Variants in STXBP6 observed in about 807,000 individuals in gnomAD.
STXBP6 encodes the protein syntaxin-binding protein 6.
Under a neutral mutation model 26.9 loss-of-function variants are expected in STXBP6, and 21 were observed. The observed-to-expected ratio is 0.78, with a 90% confidence interval of 0.55 to 1.12. The LOEUF (loss-of-function observed/expected upper bound fraction) is 1.12. STXBP6 is among the 50% of genes most tolerant of loss of function. The pLI is 0.00. For synonymous variants in STXBP6, 97 were observed against 92.6 expected (o/e 1.05, Z -0.27); for missense variants, 232 against 257.9 (o/e 0.90, Z 0.69).
chr14:24,986,621 T>A (rs1444950318), intron 1 of STXBP6, among the ~76,000 whole-genome samples: 1 of 152,172 alleles, frequency 6.6e-6, no homozygotes, highest in Non-Finnish European at 1.5e-5. Context: ...CCAGTTCTTG[T>A]CTTTGGAACT....
rs1452215923 is a variant in STXBP6, at chr14:25,050,014, C to A, written c.-169G>T. On this transcript the variant is annotated 5_prime_UTR_variant, in exon 1 of 6. Coordinates refer to ENST00000323944, the MANE Select transcript of STXBP6 (RefSeq NM_001394410.1). ...TTAGCCGGCCCGGGTGCTGGCTCGCCGCCGCTCGCGGCTCCCGCGCCGGCT... is the reference window on the plus strand; with the variant it reads ...TTAGCCGGCCCGGGTGCTGGCTCGCAGCCGCTCGCGGCTCCCGCGCCGGCT... 21 of 389,900 alleles carry A rather than the reference C, an allele frequency of 5.4e-5. No homozygotes were observed. The highest frequency in any genetic ancestry group is 6.4e-5 in the Admixed American group (1 of 15,540). 24.2% of individuals were successfully genotyped at this position (389,900 alleles called of 1,614,324 possible). A position where few individuals can be genotyped will look rare whatever the true frequency, so the allele number is the denominator to read the frequency against.
rs769952948 is a variant in STXBP6, at chr14:24,836,454, C to T, written c.452-17260G>A. 9.6e-4 allele frequency among the ~76,000 whole-genome samples: 146 copies of T among 151,506 alleles called. 2 individuals are homozygous for T. The highest frequency in any genetic ancestry group is 3.9e-4 in the Admixed American group (6 of 15,218). On this transcript the variant is annotated intron_variant, in intron 4 of 5. Transcript: ENST00000323944. ...CTCTACTAAATATACAAAAATTAGC[C>T]GGGTGTGGTGGCGGGTGCCTGTAAT...
At chr14:24,971,711 T>C (rs1481688938) in intron 2 of STXBP6, among the ~76,000 whole-genome samples, 1 of 152,220 alleles carries the variant, frequency 6.6e-6, no homozygotes, top group Non-Finnish European at 1.5e-5. Context: ...AGTGAAGCCC[T>C]ACTTTTCTCA....
chr14:24,874,045 T>C (rs2070041477), intron 2 of STXBP6, among the ~76,000 whole-genome samples: 1 of 152,168 alleles, frequency 6.6e-6, no homozygotes, highest in Admixed American at 6.5e-5. Flanking sequence ...GATCACAAAC[T>C]AAAGTTAGTA....
intron 4 of STXBP6, among the ~76,000 whole-genome samples, chr14:24,848,767 G>C (rs1386528335): frequency 6.6e-6 from 1 of 152,088 alleles, no homozygotes; most frequent in African/African-American, 2.4e-5. Flanking sequence ...TGGAACCTAA[G>C]GAAGTAGTCC....
chr14:24,855,800 C>T (rs1002603970), intron 4 of STXBP6, 136 bp downstream of exon 4: 2 of 733,558 alleles, frequency 2.7e-6, no homozygotes, highest in Non-Finnish European at 4.1e-6. Flanking sequence ...TGGAATGGTT[C>T]TTATGTTGTC....
intron 1 of STXBP6, among the ~76,000 whole-genome samples, chr14:24,979,452 C>T (rs2074130087): frequency 1.3e-5 from 2 of 152,194 alleles, no homozygotes; most frequent in Admixed American, 6.5e-5. Context: ...CTAGTCTTTC[C>T]TACTTCAACG....
In STXBP6 at chr14:24,865,571, A is replaced by G. The variant is rs1386170897; in HGVS notation, c.155-8414T>C. On this transcript the variant is annotated intron_variant, in intron 2 of 5. Coordinates refer to ENST00000323944, the MANE Select transcript of STXBP6 (RefSeq NM_001394410.1). ...GAGGAAACTATCTGAGGTTTAAAAA[A>G]TAATCACTCAAAATGAATAGAGGAT... 2.6e-5 allele frequency among the ~76,000 whole-genome samples: 4 copies of G among 152,312 alleles called. No homozygotes were observed. In the East Asian group the frequency reaches 7.7e-4, roughly 29 times the overall value.
chr14:24,962,697 T>C (rs2073589267), intron 2 of STXBP6, among the ~76,000 whole-genome samples: 1 of 152,152 alleles, frequency 6.6e-6, no homozygotes. Flanking sequence ...TTAAAATAAG[T>C]TAATTTTTAG....
intron 4 of STXBP6, among the ~76,000 whole-genome samples, chr14:24,829,327 G>A (rs2068385348): frequency 6.6e-6 from 1 of 152,144 alleles, no homozygotes; most frequent in African/African-American, 2.4e-5. Flanking sequence ...CTATTAAACT[G>A]TGATTGCAGT....
At chr14:25,016,173 A>G (rs1470086155) in intron 1 of STXBP6, among the ~76,000 whole-genome samples, 1 of 152,162 alleles carries the variant, frequency 6.6e-6, no homozygotes, top group Non-Finnish European at 1.5e-5. Context: ...AACCTATTAT[A>G]CTTTTTTCCT....
intron 1 of STXBP6, among the ~76,000 whole-genome samples, chr14:24,989,438 A>C (rs2074411550): frequency 6.6e-6 from 1 of 152,244 alleles, no homozygotes; most frequent in Non-Finnish European, 1.5e-5. Context: ...GGGGAACTGA[A>C]CTAAGGGCAT....
intron 1 of STXBP6, among the ~76,000 whole-genome samples, chr14:24,982,637 T>C (rs2074227808): frequency 6.6e-6 from 1 of 152,346 alleles, no homozygotes; most frequent in South Asian, 2.1e-4. Flanking sequence ...ACTCTCCCTG[T>C]GTAAAAGACA....
At chr14:24,896,075 T>C (rs2070980170) in intron 2 of STXBP6, among the ~76,000 whole-genome samples, 1 of 152,112 alleles carries the variant, frequency 6.6e-6, no homozygotes, top group African/African-American at 2.4e-5. Flanking sequence ...GAAACCTAAA[T>C]ACAGCATAGG....
intron 1 of STXBP6, among the ~76,000 whole-genome samples, chr14:25,040,268 G>T (rs1043929928): frequency 2.0e-5 from 3 of 152,194 alleles, no homozygotes; most frequent in African/African-American, 4.8e-5. Flanking sequence ...GAACTTGGGG[G>T]TGGTCAGAAA....
chr14:24,888,613 C>T (rs1264652564), intron 2 of STXBP6, among the ~76,000 whole-genome samples: 1 of 151,890 alleles, frequency 6.6e-6, no homozygotes, highest in Non-Finnish European at 1.5e-5. Context: ...ATCCCTGCTA[C>T]TCAGGAGGCT....
At chr14:24,872,914 T>A (rs2069990952) in intron 2 of STXBP6, among the ~76,000 whole-genome samples, 1 of 152,246 alleles carries the variant, frequency 6.6e-6, no homozygotes, top group Non-Finnish European at 1.5e-5. Flanking sequence ...CTCTGTAACA[T>A]TCATTTTGGG....
In STXBP6 at chr14:24,866,712, C is replaced by A. The variant is rs187606440; in HGVS notation, c.155-9555G>T. On this transcript the variant is annotated intron_variant, in intron 2 of 5. Transcript: ENST00000323944. ...GGAGGACTTAATGTTGTTAAGATGG[C>A]AATAATCCTCAAACAAACCATGGTA... Among the ~76,000 whole-genome samples, 546 of 151,362 alleles carry A rather than the reference C, an allele frequency of 3.6e-3. 4 individuals are homozygous for A. Among genetic ancestry groups the A allele is most frequent in the African/African-American group, 0.013 (530 of 41,282 alleles).
chr14:24,819,072 T>C lies in STXBP6; in HGVS notation c.574A>G (p.Asn192Asp), dbSNP rs762770933. 1 of 1,611,692 alleles carries C rather than the reference T, an allele frequency of 6.2e-7. No homozygotes were observed. The highest frequency in any genetic ancestry group is 1.7e-5 in the Admixed American group (1 of 59,908). The change falls in exon 5 of 6, where the codon AAC (asparagine) becomes GAC (aspartate). Residue 192 changes from asparagine to aspartate, a missense_variant. Physicochemically the swap from Asn to Asp is conservative, Grantham distance 23 (BLOSUM62 1). Transcript: ENST00000323944. ...GTTTCTGCAAACTGCTGGGCGCTGTTCTTCAGGTCTTCTGTCTTCTCCTCT... is the reference window on the plus strand; with the variant it reads ...GTTTCTGCAAACTGCTGGGCGCTGTCCTTCAGGTCTTCTGTCTTCTCCTCT... Reference protein sequence around the residue: ...RAEEKTEDLKNSAQQFAETAH... With the variant: ...RAEEKTEDLKDSAQQFAETAH...
Sources: gnomAD v4.1 joint callset for allele counts (sites outside exome capture counted in the v4.1 genomes callset) on GRCh38, gnomAD v4.1.1 for gene constraint, MANE v1.5 for transcripts, NCBI Gene and HGNC (gene_info 2026-07-23, HGNC 2026-07-21) for gene names.